The following GABRG3 variants were observed in gnomAD, a reference collection of about 807,000 sequenced individuals.
GABRG3 encodes the protein gamma-aminobutyric acid receptor subunit gamma-3.
A neutral mutation model predicts 48.8 loss-of-function variants in GABRG3; 25 were observed. The observed-to-expected ratio is 0.51, with a 90% CI of 0.37 to 0.72. The LOEUF (loss-of-function observed/expected upper bound fraction) is 0.72, where lower values mean the gene tolerates loss of function less well. GABRG3 is among the 30% of genes least tolerant of loss of function. GABRG3 has a pLI of 0.00. For missense variants in GABRG3, 394 were observed against 577.9 expected (o/e 0.68, Z 3.26); for synonymous variants, 227 against 217.6 (o/e 1.04, Z -0.38).
intron 5 of GABRG3, among the ~76,000 whole-genome samples, chr15:27,461,669 G>C (rs533144796): frequency 6.6e-6 from 1 of 152,230 alleles, no homozygotes; most frequent in African/African-American, 2.4e-5. Flanking sequence ...ATTTTACAGA[G>C]AGTGATTGGT....
chr15:27,458,501 G>A (rs374852822), intron 5 of GABRG3, among the ~76,000 whole-genome samples: 7 of 152,262 alleles, frequency 4.6e-5, no homozygotes, highest in South Asian at 2.1e-4. Flanking sequence ...TCACAAGCTC[G>A]TCAAGTCTGG....
intron 5 of GABRG3, among the ~76,000 whole-genome samples, chr15:27,344,309 C>T (rs1047721611): frequency 1.3e-5 from 2 of 152,214 alleles, no homozygotes; most frequent in Non-Finnish European, 2.9e-5. Flanking sequence ...CATCTTAATA[C>T]CTTAGCACTG....
At chr15:27,338,072 C>T (rs1284440779) in intron 5 of GABRG3, among the ~76,000 whole-genome samples, 1 of 152,178 alleles carries the variant, frequency 6.6e-6, no homozygotes, top group Non-Finnish European at 1.5e-5. Context: ...TTGTTTGTTA[C>T]TGTTCGGCTC....
chr15:27,222,860 A>G (rs1050767117), intron 3 of GABRG3, among the ~76,000 whole-genome samples: 1 of 152,220 alleles, frequency 6.6e-6, no homozygotes, highest in Non-Finnish European at 1.5e-5. Context: ...TGGAACACAC[A>G]GAGTGGCCAT....
intron 3 of GABRG3, among the ~76,000 whole-genome samples, chr15:27,089,759 G>A (rs879283914): frequency 7.9e-5 from 12 of 152,222 alleles, no homozygotes; most frequent in African/African-American, 1.7e-4. Context: ...GCATTTGTTC[G>A]TTCTGAATAT....
chr15:27,063,614 A>T (rs776148599), intron 3 of GABRG3, among the ~76,000 whole-genome samples: 5 of 152,238 alleles, frequency 3.3e-5, no homozygotes, highest in South Asian at 2.1e-4. Context: ...CTTCCTGTAC[A>T]GCCTGCAGAA....
intron 5 of GABRG3, among the ~76,000 whole-genome samples, chr15:27,477,822 C>T (rs1203451985): frequency 6.6e-6 from 1 of 152,084 alleles, no homozygotes; most frequent in Non-Finnish European, 1.5e-5. Flanking sequence ...GGGCAGATCA[C>T]AAGGTCAGGA....
intron 3 of GABRG3, among the ~76,000 whole-genome samples, chr15:27,290,071 C>T (rs1891746935): frequency 6.6e-6 from 1 of 151,880 alleles, no homozygotes; most frequent in Admixed American, 6.6e-5. Context: ...TGCCAGAAAG[C>T]AAGGACATGC....
chr15:27,532,489 A>ATCCTCTT, intron 9 of GABRG3, 111 bp from the exon 10 acceptor site: 1 of 999,894 alleles, frequency 1.0e-6, no homozygotes, highest in Non-Finnish European at 1.4e-6. Flanking sequence ...ACACCCACGC[A>ATCCTCTT]TCCTCTTTAT....
At chr15:27,247,398 C>A (rs1890302738) in intron 3 of GABRG3, among the ~76,000 whole-genome samples, 1 of 152,106 alleles carries the variant, frequency 6.6e-6, no homozygotes, top group South Asian at 2.1e-4. Context: ...CCTGGTGCCT[C>A]CAAGAACAGT....
At chr15:27,126,408 C>T (rs1200984143) in intron 3 of GABRG3, among the ~76,000 whole-genome samples, 1 of 152,180 alleles carries the variant, frequency 6.6e-6, no homozygotes, top group Non-Finnish European at 1.5e-5. Flanking sequence ...GGTCCTCAAT[C>T]TTTCCCACCG....
chr15:27,297,463 A>C (rs1009468381), intron 3 of GABRG3, among the ~76,000 whole-genome samples: 2 of 152,160 alleles, frequency 1.3e-5, no homozygotes, highest in Non-Finnish European at 1.5e-5. Context: ...TTTATCTTTT[A>C]TACTATATTT....
intron 2 of GABRG3, among the ~76,000 whole-genome samples, chr15:27,002,761 AAAGG>A (rs1219416419): frequency 2.4e-3 from 100 of 41,420 alleles, no homozygotes; most frequent in Middle Eastern, 0.014. Context: ...AAAAAAAAAA[AAAGG>A]AAGGAAGGAA....
chr15:26,994,310 T>C (rs1895301012), intron 2 of GABRG3, among the ~76,000 whole-genome samples: 1 of 151,970 alleles, frequency 6.6e-6, no homozygotes, highest in Non-Finnish European at 1.5e-5. Flanking sequence ...GTGAGTGTGG[T>C]TTTCTCTGGT....
At chr15:26,977,893 C>T (rs187120935) in intron 2 of GABRG3, among the ~76,000 whole-genome samples, 160 of 152,332 alleles carry the variant, frequency 1.1e-3, no homozygotes, top group East Asian at 3.5e-3. Context: ...CTTAAGGAAC[C>T]GTCAAACTGT....
chr15:27,197,876 A>G (rs1311120947), intron 3 of GABRG3, among the ~76,000 whole-genome samples: 4 of 151,764 alleles, frequency 2.6e-5, no homozygotes, highest in African/African-American at 4.8e-5. Context: ...TTTCTTCTAG[A>G]TTTTCTAGTT....
chr15:27,039,778 C>T (rs1445366438), intron 3 of GABRG3, among the ~76,000 whole-genome samples: 1 of 152,248 alleles, frequency 6.6e-6, no homozygotes, highest in South Asian at 2.1e-4. Flanking sequence ...AATACCAGAC[C>T]CTGTCGGTGT....
chr15:27,387,838 A>T (rs1472586226), intron 5 of GABRG3, among the ~76,000 whole-genome samples: 1 of 73,780 alleles, frequency 1.4e-5, no homozygotes, highest in Non-Finnish European at 2.7e-5. Flanking sequence ...AGAGGGAGAG[A>T]GGAAGGGGAG....
At chr15:27,353,536 G>A (rs9672984) in intron 5 of GABRG3, among the ~76,000 whole-genome samples, 5,565 of 151,780 alleles carry the variant, frequency 0.037, 251 homozygotes, top group African/African-American at 0.089. Flanking sequence ...CCCTGCCTCC[G>A]GGGTTCAAGC....
Sources: allele counts gnomAD v4.1 joint callset (sites outside exome capture counted in the v4.1 genomes callset), GRCh38; gene constraint gnomAD v4.1.1; transcripts MANE v1.5; gene names NCBI Gene and HGNC (gene_info 2026-07-23, HGNC 2026-07-21).